ERC2: variants seen among roughly 807,000 people sequenced by gnomAD.
The protein encoded by ERC2 is ELKS/RAB6-interacting/CAST family member 2, also known as ERC protein 2.
Under a neutral mutation model 114.8 loss-of-function variants are expected in ERC2, and 42 were observed. The observed-to-expected ratio is 0.37, with a 90% confidence interval of 0.29 to 0.47. The LOEUF (loss-of-function observed/expected upper bound fraction) is 0.47, where lower values mean the gene tolerates loss of function less well. Ranked by LOEUF, ERC2 falls within the 20% of genes least tolerant of loss-of-function variation. The pLI is 0.99. For missense variants in ERC2, 939 were observed against 1,150.7 expected (o/e 0.82, Z 2.66); for synonymous variants, 454 against 425.5 (o/e 1.07, Z -0.82).
intron 7 of ERC2, among the ~76,000 whole-genome samples, chr3:56,071,849 A>G (rs2076755700): frequency 6.6e-6 from 1 of 152,236 alleles, no homozygotes. Context: ...TCTCTATCCA[A>G]GAGACATGAA....
At chr3:55,982,355 C>A (rs923435944) in intron 12 of ERC2, among the ~76,000 whole-genome samples, 8 of 151,964 alleles carry the variant, frequency 5.3e-5, no homozygotes, top group African/African-American at 1.7e-4. Flanking sequence ...TTCTTACTAA[C>A]TGTATAAATT....
rs1478644463 is a variant in ERC2, at chr3:56,143,943, T to C, written c.1306-4267A>G. Among the ~76,000 whole-genome samples, 10 of 152,362 alleles carry C rather than the reference T, an allele frequency of 6.6e-5. No individual in the cohort carries two copies. The East Asian group carries it at 1.9e-3, about 29-fold the overall frequency. On this transcript the variant is annotated intron_variant, in intron 5 of 17. Transcript: ENST00000288221. ...CATGTTCAGAAGGGTTCAGGTTGCATAACTTAGTAGAAAGGTTGATATGAA... is the reference window on the plus strand; with the variant it reads ...CATGTTCAGAAGGGTTCAGGTTGCACAACTTAGTAGAAAGGTTGATATGAA...
chr3:55,690,216 G>C (rs1307719973), intron 16 of ERC2, among the ~76,000 whole-genome samples: 1 of 152,156 alleles, frequency 6.6e-6, no homozygotes, highest in Non-Finnish European at 1.5e-5. Flanking sequence ...TGTGTGCAGG[G>C]TATGTTTAAA....
At chr3:55,592,406 C>G (rs1403537130) in intron 17 of ERC2, among the ~76,000 whole-genome samples, 2 of 152,124 alleles carry the variant, frequency 1.3e-5, no homozygotes, top group African/African-American at 4.8e-5. Flanking sequence ...CTGCCCTCTC[C>G]TTCTGGGAAG....
intron 2 of ERC2, among the ~76,000 whole-genome samples, chr3:56,296,978 G>A (rs965590380): frequency 1.6e-4 from 24 of 152,090 alleles, no homozygotes; most frequent in African/African-American, 5.6e-4. Flanking sequence ...TACTGCATCT[G>A]CAAGCAAAAG....
intron 14 of ERC2, among the ~76,000 whole-genome samples, chr3:55,883,363 C>T (rs1274579573): frequency 6.6e-6 from 1 of 151,864 alleles, no homozygotes; most frequent in Admixed American, 6.6e-5. Flanking sequence ...GGCACATGTC[C>T]CAAAATGATA....
At chr3:56,360,512 T>C (rs979129909) in intron 2 of ERC2, among the ~76,000 whole-genome samples, 1 of 152,040 alleles carries the variant, frequency 6.6e-6, no homozygotes, top group Non-Finnish European at 1.5e-5. Flanking sequence ...GCTAAAACAA[T>C]GTGTTTTGGG....
intron 3 of ERC2, among the ~76,000 whole-genome samples, chr3:56,193,422 C>A (rs889147599): frequency 6.6e-6 from 1 of 151,666 alleles, no homozygotes. Context: ...GCAAGAGAAT[C>A]GCTTGAATCT....
At chr3:56,400,557 G>A (rs551606074) in intron 2 of ERC2, among the ~76,000 whole-genome samples, 6 of 152,146 alleles carry the variant, frequency 3.9e-5, no homozygotes, top group African/African-American at 1.4e-4. Flanking sequence ...ATATTTTTCA[G>A]AAGGAAGGGT....
chr3:56,128,063 A>T (rs969801307), intron 6 of ERC2, among the ~76,000 whole-genome samples: 1 of 151,854 alleles, frequency 6.6e-6, no homozygotes, highest in African/African-American at 2.4e-5. Flanking sequence ...ATCTCAAAAA[A>T]ATAAATAAAA....
At chr3:55,530,275 TA>T (rs2053584663) in intron 17 of ERC2, among the ~76,000 whole-genome samples, 1 of 152,222 alleles carries the variant, frequency 6.6e-6, no homozygotes, top group Non-Finnish European at 1.5e-5. Context: ...GTAAATGTGC[TA>T]GGCTTTGCAG....
At chr3:56,376,854 G>A (rs1310765762) in intron 2 of ERC2, among the ~76,000 whole-genome samples, 2 of 152,084 alleles carry the variant, frequency 1.3e-5, no homozygotes, top group Non-Finnish European at 2.9e-5. Flanking sequence ...AGTAGAACCA[G>A]AACAGAGAAA....
intron 15 of ERC2, among the ~76,000 whole-genome samples, chr3:55,726,496 C>T (rs1036067807): frequency 6.6e-6 from 1 of 152,238 alleles, no homozygotes; most frequent in Non-Finnish European, 1.5e-5. Flanking sequence ...CAGGACGGGT[C>T]TACCTCTGCT....
At chr3:55,874,272 G>A (rs2062721360) in intron 14 of ERC2, among the ~76,000 whole-genome samples, 1 of 152,194 alleles carries the variant, frequency 6.6e-6, no homozygotes, top group African/African-American at 2.4e-5. Flanking sequence ...TCTCTAGGCT[G>A]AAGAATAAGG....
chr3:56,083,955 C>CA (rs946716948), intron 6 of ERC2, among the ~76,000 whole-genome samples: 1 of 149,876 alleles, frequency 6.7e-6, no homozygotes, highest in African/African-American at 2.5e-5. Context: ...CATCTCATAA[C>CA]AAAAATTTTC....
chr3:56,249,368 CAGGCTGGAGTGCAG>C, intron 3 of ERC2, among the ~76,000 whole-genome samples: 1 of 152,192 alleles, frequency 6.6e-6, no homozygotes, highest in Admixed American at 6.5e-5. Flanking sequence ...CTCTGTCATC[CAGGCTGGAGTGCAG>C]TGGTGCAATC....
intron 3 of ERC2, among the ~76,000 whole-genome samples, chr3:56,216,792 C>G (rs187647773): frequency 1.9e-4 from 29 of 152,284 alleles, no homozygotes; most frequent in African/African-American, 6.5e-4. Flanking sequence ...GCTTGTCCAC[C>G]ATGATCAGGT....
chr3:55,896,954 A>T (rs955143084), intron 13 of ERC2, among the ~76,000 whole-genome samples: 3 of 152,236 alleles, frequency 2.0e-5, no homozygotes, highest in African/African-American at 4.8e-5. Context: ...ATTCAACTGT[A>T]TTTACTGTAT....
chr3:56,042,395 G>C (rs1000010263), intron 7 of ERC2, among the ~76,000 whole-genome samples: 2 of 152,180 alleles, frequency 1.3e-5, no homozygotes, highest in African/African-American at 4.8e-5. Context: ...CATTCCTATC[G>C]TGGGGCTGGC....
Sources: gnomAD v4.1 joint callset for allele counts (sites outside exome capture counted in the v4.1 genomes callset) on GRCh38, gnomAD v4.1.1 for gene constraint, MANE v1.5 for transcripts, NCBI Gene and HGNC (gene_info 2026-07-23, HGNC 2026-07-21) for gene names.